ANKS1B: variants seen among roughly 807,000 people sequenced by gnomAD.
ANKS1B encodes ankyrin repeat and sterile alpha motif domain-containing protein 1B.
A neutral mutation model predicts 148.3 loss-of-function variants in ANKS1B; 36 were observed. The observed-to-expected ratio is 0.24, with a 90% CI of 0.19 to 0.32. ANKS1B has a LOEUF of 0.32. ANKS1B is among the 10% of genes least tolerant of loss of function. The pLI is 1.00. For synonymous variants in ANKS1B, 542 were observed against 560.8 expected, an observed-to-expected ratio of 0.97 and a Z score of 0.47; for missense variants, 1,157 against 1,542.6, an observed-to-expected ratio of 0.75 and a Z score of 4.19.
intron 25 of ANKS1B, among the ~76,000 whole-genome samples, chr12:98,768,974 C>A (rs886694857): frequency 8.6e-5 from 13 of 151,908 alleles, no homozygotes; most frequent in African/African-American, 2.9e-4. Context: ...TGGAAACTTC[C>A]TAGACATCAC....
At position 99,246,620 on chromosome 12, in the gene ANKS1B, T is replaced by C; in HGVS notation, c.2001A>G (p.Lys667=). Residue 667 remains lysine (K), a synonymous_variant, in exon 13 of 27, where the codon AAA becomes AAG. Coordinates refer to ENST00000683438, the MANE Select transcript of ANKS1B (RefSeq NM_001352186.2). ...TGTGAAAAATTGTTCTACTGACCAC[T>C]TTGGGTTTAATTTTCTTTACCAAAG... ...SEPLVKKIKP[K]VVSRTIFHKK... 6.2e-7 allele frequency: 1 copy of C among 1,613,644 alleles called. No homozygotes were observed. Among genetic ancestry groups the C allele is most frequent in the Non-Finnish European group, 8.5e-7 (1 of 1,179,746 alleles).
chr12:99,005,877 A>C (rs1046172775), intron 17 of ANKS1B, among the ~76,000 whole-genome samples: 19 of 152,168 alleles, frequency 1.2e-4, no homozygotes, highest in Non-Finnish European at 2.8e-4. Context: ...CAGTGAGCCC[A>C]CTCAGTAGGG....
intron 8 of ANKS1B, among the ~76,000 whole-genome samples, chr12:99,682,905 C>T (rs1357304424): frequency 1.3e-5 from 2 of 152,022 alleles, no homozygotes; most frequent in African/African-American, 2.4e-5. Flanking sequence ...AAGACATACC[C>T]GAGAATGGGT....
chr12:99,287,430 A>C (rs2079290543), intron 12 of ANKS1B, among the ~76,000 whole-genome samples: 1 of 152,176 alleles, frequency 6.6e-6, no homozygotes, highest in African/African-American at 2.4e-5. Flanking sequence ...AGCCTTCCCA[A>C]GAAGGATGGG....
At chr12:99,075,075 G>T (rs953996350) in intron 16 of ANKS1B, among the ~76,000 whole-genome samples, 2 of 152,168 alleles carry the variant, frequency 1.3e-5, no homozygotes, top group Non-Finnish European at 2.9e-5. Flanking sequence ...AAGGATGAGA[G>T]TTAAGGTACA....
At chr12:99,245,568 C>A (rs1163291182) in intron 13 of ANKS1B, among the ~76,000 whole-genome samples, 9 of 152,176 alleles carry the variant, frequency 5.9e-5, no homozygotes, top group African/African-American at 1.7e-4. Context: ...CACTATCAGA[C>A]CATATCCATT....
In ANKS1B at chr12:99,279,673, T is replaced by C. The variant is rs1295011448; in HGVS notation, c.1757-32809A>G. On this transcript the variant is annotated intron_variant, in intron 12 of 26. Transcript: ENST00000683438. ...CAAACATGTTCTCAAAATGAACAAA[T>C]ATAGGAATAAGATGGGGGTTTCTAT... 3.3e-5 allele frequency among the ~76,000 whole-genome samples: 5 copies of C among 152,250 alleles called. No homozygotes were observed. In the South Asian group the frequency reaches 6.2e-4, roughly 19 times the overall value.
intron 16 of ANKS1B, among the ~76,000 whole-genome samples, chr12:99,066,488 A>C (rs910884213): frequency 3.3e-5 from 5 of 152,140 alleles, no homozygotes; most frequent in African/African-American, 9.7e-5. Context: ...GTGCACAGAG[A>C]AGAGAGGGAA....
chr12:99,408,408 T>A (rs1418774723), intron 11 of ANKS1B, among the ~76,000 whole-genome samples: 1 of 145,774 alleles, frequency 6.9e-6, no homozygotes, highest in Non-Finnish European at 1.5e-5. Context: ...AAAGAAAGCA[T>A]CAGGGAAGCT....
chr12:98,951,848 T>C (rs2099854542), intron 17 of ANKS1B, among the ~76,000 whole-genome samples: 1 of 152,232 alleles, frequency 6.6e-6, no homozygotes, highest in East Asian at 1.9e-4. Flanking sequence ...GATTTTTGTT[T>C]GATTATGCAT....
intron 12 of ANKS1B, among the ~76,000 whole-genome samples, chr12:99,322,876 A>G (rs1448853757): frequency 6.6e-6 from 1 of 152,072 alleles, no homozygotes; most frequent in African/African-American, 2.4e-5. Flanking sequence ...ACAAGATATG[A>G]TGGTTTTATA....
intron 14 of ANKS1B, among the ~76,000 whole-genome samples, chr12:99,186,466 G>C (rs116435250): frequency 6.6e-6 from 1 of 152,130 alleles, no homozygotes; most frequent in Non-Finnish European, 1.5e-5. Flanking sequence ...AGCAGGAGTC[G>C]ACAGACACCT....
At chr12:99,969,762 T>C (rs2095535760) in intron 1 of ANKS1B, among the ~76,000 whole-genome samples, 1 of 152,212 alleles carries the variant, frequency 6.6e-6, no homozygotes, top group East Asian at 1.9e-4. Context: ...AAGATATGCA[T>C]TGATCCCTAT....
chr12:99,657,425 T>G (rs903751147), intron 8 of ANKS1B, among the ~76,000 whole-genome samples: 1 of 152,102 alleles, frequency 6.6e-6, no homozygotes, highest in Non-Finnish European at 1.5e-5. Context: ...GTATATTTGG[T>G]GAATACGTTT....
At chr12:99,090,965 T>C (rs1041620481) in intron 15 of ANKS1B, among the ~76,000 whole-genome samples, 3 of 152,130 alleles carry the variant, frequency 2.0e-5, no homozygotes, top group Non-Finnish European at 4.4e-5. Context: ...GAAAATTCTA[T>C]AGTACACTAA....
At chr12:99,382,910 C>G (rs889432850) in intron 12 of ANKS1B, among the ~76,000 whole-genome samples, 1 of 152,064 alleles carries the variant, frequency 6.6e-6, no homozygotes, top group Non-Finnish European at 1.5e-5. Context: ...ATACCTGAGG[C>G]CCCTAAGGTT....
chr12:98,744,103 A>G lies in ANKS1B; in HGVS notation c.*1636T>C. ...ATGCTTCTGTTTCAGCAAAGCTCCT[A>G]TTAACTTTGCTCCTATACAATTGCC... On this transcript the variant is annotated 3_prime_UTR_variant, in exon 27 of 27. Transcript: ENST00000683438. 2.0e-6 allele frequency: 2 copies of G among 985,436 alleles called. No homozygotes were observed. Among genetic ancestry groups the G allele is most frequent in the Non-Finnish European group, 2.4e-6 (2 of 829,560 alleles). The allele number at this position is 985,436 out of a possible 1,614,324, so 61.0% of individuals were successfully genotyped here. A position where few individuals can be genotyped will look rare whatever the true frequency, so the allele number is the denominator to read the frequency against.
At chr12:99,186,293 G>C (rs1198930298) in intron 14 of ANKS1B, among the ~76,000 whole-genome samples, 3 of 152,140 alleles carry the variant, frequency 2.0e-5, no homozygotes, top group Admixed American at 1.3e-4. Flanking sequence ...CTGGAGGAAG[G>C]GGCAGCTGTG....
At position 98,773,080 on chromosome 12, in the gene ANKS1B, T is replaced by A. The variant is rs530191569; in HGVS notation, c.3541A>T (p.Asn1181Tyr). Residue 1181 changes from asparagine (N) to tyrosine (Y), a missense_variant, in exon 25 of 27, where the codon AAT becomes TAT. By Grantham distance (143) the Asn-to-Tyr change is moderately radical (BLOSUM62 -2). Around this residue, in one of 6 missense-constraint regions of ANKS1B, gnomAD observed 258 missense variants for 497.0 expected, o/e 0.52. Transcript: ENST00000683438. Reference sequence around the variant, plus strand: ...GTAAACACATGACAGTAGTGGTGATTAGACTTCAAATCTTTTGTGATATAG... The same window carrying A: ...GTAAACACATGACAGTAGTGGTGATAAGACTTCAAATCTTTTGTGATATAG... ...FAYITKDLKS[N>Y]HHYCHVFTAF... is the part of the protein sequence containing the mutation. 3 of 1,614,026 alleles carry A rather than the reference T, an allele frequency of 1.9e-6. No homozygotes were observed. In the South Asian group the frequency reaches 3.3e-5, roughly 18 times the overall value.
Sources: allele counts gnomAD v4.1 joint callset (sites outside exome capture counted in the v4.1 genomes callset), GRCh38; gene constraint gnomAD v4.1.1; regional missense constraint gnomAD v4.1.1; transcripts MANE v1.5; gene names NCBI Gene and HGNC (gene_info 2026-07-23, HGNC 2026-07-21).